NRG1: variants seen among roughly 807,000 people sequenced by gnomAD.
The protein encoded by NRG1 is pro-neuregulin-1, membrane-bound isoform.
Under a neutral mutation model 63.8 loss-of-function variants are expected in NRG1, and 18 were observed. The observed-to-expected ratio is 0.28, with a 90% CI of 0.19 to 0.42. The LOEUF (loss-of-function observed/expected upper bound fraction) is 0.42. Ranked by LOEUF, NRG1 falls within the 10% of genes least tolerant of loss-of-function variation. The pLI is 1.00. For synonymous variants in NRG1, 302 were observed against 301.3 expected (o/e 1.00, Z -0.02); for missense variants, 762 against 814.7 (o/e 0.94, Z 0.79).
intron 1 of NRG1, among the ~76,000 whole-genome samples, chr8:32,093,445 T>G (rs1829477936): frequency 6.6e-6 from 1 of 152,238 alleles, no homozygotes; most frequent in Admixed American, 6.5e-5. Flanking sequence ...TCAAAGATAG[T>G]ACAGGAAAGT....
At chr8:32,309,407 TATC>T (rs1856572169) in intron 1 of NRG1, among the ~76,000 whole-genome samples, 2 of 152,242 alleles carry the variant, frequency 1.3e-5, no homozygotes, top group Non-Finnish European at 2.9e-5. Context: ...TCAAATGTAT[TATC>T]ATTCATTGTC....
intron 1 of NRG1, among the ~76,000 whole-genome samples, chr8:31,683,630 T>TATAA (rs1471555086): frequency 6.6e-6 from 1 of 152,174 alleles, no homozygotes; most frequent in Non-Finnish European, 1.5e-5. Flanking sequence ...CATGTCATTA[T>TATAA]ACATTTGTCA....
intron 1 of NRG1, among the ~76,000 whole-genome samples, chr8:32,085,188 T>C (rs1053230637): frequency 6.6e-6 from 1 of 152,248 alleles, no homozygotes; most frequent in African/African-American, 2.4e-5. Flanking sequence ...CACTCGCCCA[T>C]AGGATTCTTT....
intron 1 of NRG1, among the ~76,000 whole-genome samples, chr8:31,918,854 C>G (rs1833646758): frequency 6.6e-6 from 1 of 151,512 alleles, no homozygotes; most frequent in South Asian, 2.1e-4. Context: ...GGTTGGTAAG[C>G]TATTGATTAT....
At chr8:32,697,728 A>G (rs1427706194) in intron 5 of NRG1, among the ~76,000 whole-genome samples, 1 of 152,250 alleles carries the variant, frequency 6.6e-6, no homozygotes, top group East Asian at 1.9e-4. Flanking sequence ...ATCACTTCAA[A>G]TTGAACTGTC....
chr8:32,087,688 C>G (rs775455495), intron 1 of NRG1, among the ~76,000 whole-genome samples: 114 of 152,084 alleles, frequency 7.5e-4, no homozygotes, highest in Non-Finnish European at 8.1e-4. Flanking sequence ...CCAGGCTGCT[C>G]TTGAACTTCT....
chr8:32,583,119 C>T (rs540777238), intron 1 of NRG1, among the ~76,000 whole-genome samples: 2 of 151,902 alleles, frequency 1.3e-5, no homozygotes, highest in South Asian at 2.1e-4. Flanking sequence ...CATGTAATTT[C>T]GTGCCATCTA....
intron 1 of NRG1, among the ~76,000 whole-genome samples, chr8:32,539,998 AGAGTCCTTGAACT>A (rs1832415782): frequency 6.6e-6 from 1 of 152,224 alleles, no homozygotes; most frequent in Non-Finnish European, 1.5e-5. Context: ...GAGACGAGAC[AGAGTCCTTGAACT>A]GATAAACAAA....
intron 1 of NRG1, among the ~76,000 whole-genome samples, chr8:32,585,359 C>A (rs1469496436): frequency 3.9e-5 from 6 of 152,108 alleles, no homozygotes; most frequent in Non-Finnish European, 4.4e-5. Flanking sequence ...ATCTTTATGT[C>A]CGAGAGTGAG....
intron 1 of NRG1, among the ~76,000 whole-genome samples, chr8:31,913,313 A>G (rs1833100130): frequency 6.6e-6 from 1 of 152,246 alleles, no homozygotes; most frequent in Middle Eastern, 3.4e-3. Flanking sequence ...GATTTTTTTC[A>G]AAGTAGGAAA....
At chr8:32,187,787 C>G (rs1842109032) in intron 1 of NRG1, among the ~76,000 whole-genome samples, 1 of 152,164 alleles carries the variant, frequency 6.6e-6, no homozygotes, top group Non-Finnish European at 1.5e-5. Context: ...GAATTACCAG[C>G]ACATGTTGAT....
chr8:32,295,819 G>A lies in NRG1; in HGVS notation c.38-300009G>A, dbSNP rs1163164815. ...AAAAAATTAGCCAGGCAGGGTGGCA[G>A]GAGAATACTCAGGAGGCCGAGGCAG... On this transcript the variant is annotated intron_variant, in intron 1 of 10. Transcript: ENST00000519301. Among the ~76,000 whole-genome samples the A allele has an allele frequency of 2.0e-5, 3 of 151,846 alleles. No individual in the cohort carries two copies. The East Asian group carries it at 5.9e-4, about 30-fold the overall frequency.
chr8:32,466,656 T>G (rs1379529478), intron 1 of NRG1, among the ~76,000 whole-genome samples: 2 of 152,168 alleles, frequency 1.3e-5, no homozygotes, highest in African/African-American at 4.8e-5. Flanking sequence ...ATATCAGGAA[T>G]GTGCTATCCC....
At chr8:32,448,887 C>T (rs1820611409) in intron 1 of NRG1, among the ~76,000 whole-genome samples, 1 of 152,072 alleles carries the variant, frequency 6.6e-6, no homozygotes. Context: ...TGAGAAAATC[C>T]TCTGAAGTGT....
chr8:31,851,995 A>G (rs1213653422), intron 1 of NRG1, among the ~76,000 whole-genome samples: 2 of 148,718 alleles, frequency 1.3e-5, no homozygotes, highest in Admixed American at 6.7e-5. Flanking sequence ...CATTTTCTTA[A>G]TCCAGTCTAT....
chr8:32,408,522 T>A (rs1587444098), intron 1 of NRG1, among the ~76,000 whole-genome samples: 1 of 152,282 alleles, frequency 6.6e-6, no homozygotes, highest in Non-Finnish European at 1.5e-5. Flanking sequence ...AGATCCCTGC[T>A]GGGCTCATTA....
At chr8:32,207,750 G>T (rs894512027) in intron 1 of NRG1, among the ~76,000 whole-genome samples, 1 of 152,114 alleles carries the variant, frequency 6.6e-6, no homozygotes, top group Admixed American at 6.6e-5. Context: ...CTGACTGTTT[G>T]ACTGAGAACA....
chr8:32,280,680 G>GTTTTTTTTTTTTTT (rs1235833561), intron 1 of NRG1, among the ~76,000 whole-genome samples: 1 of 53,758 alleles, frequency 1.9e-5, no homozygotes, highest in Non-Finnish European at 3.5e-5. Flanking sequence ...ACTGAATTAG[G>GTTTTTTTTTTTTTT]TTTTTTTTTT....
intron 4 of NRG1, among the ~76,000 whole-genome samples, chr8:32,615,689 A>G (rs966568702): frequency 2.6e-5 from 4 of 152,076 alleles, no homozygotes; most frequent in Admixed American, 1.3e-4. Flanking sequence ...CTTCAAAGCC[A>G]TTTTTTAAAA....
Sources: gnomAD v4.1 joint callset for allele counts (sites outside exome capture counted in the v4.1 genomes callset) on GRCh38, gnomAD v4.1.1 for gene constraint, MANE v1.5 for transcripts, NCBI Gene and HGNC (gene_info 2026-07-23, HGNC 2026-07-21) for gene names.